Variants in LGR5 observed in about 807,000 individuals in gnomAD.
The protein encoded by LGR5 is leucine rich repeat containing G protein-coupled receptor 5, also known as leucine-rich repeat-containing G protein-coupled receptor 5.
LGR5 carries 54 observed loss-of-function variants against 76.7 expected under a neutral mutation model. The observed-to-expected ratio is 0.70, with a 90% confidence interval of 0.57 to 0.88. The LOEUF (loss-of-function observed/expected upper bound fraction) is 0.88, where lower values mean the gene tolerates loss of function less well. Ranked by LOEUF, LGR5 falls within the 40% of genes least tolerant of loss-of-function variation. The pLI, the probability that LGR5 is intolerant of heterozygous loss-of-function variation, is 0.00. For missense variants in LGR5, 1,078 were observed against 1,073.3 expected (o/e 1.00, Z -0.06); for synonymous variants, 406 against 421.9 (o/e 0.96, Z 0.46).
chr12:71,555,283 T>C (rs1314138305), intron 5 of LGR5, among the ~76,000 whole-genome samples: 4 of 152,190 alleles, frequency 2.6e-5, no homozygotes, highest in Non-Finnish European at 5.9e-5. Context: ...GTATGTGCTT[T>C]AATTTCTTTT....
chr12:71,565,421 G>GATATATATATATATATATATAT (rs1565762535), intron 8 of LGR5, among the ~76,000 whole-genome samples: 7 of 144,196 alleles, frequency 4.9e-5, no homozygotes, highest in African/African-American at 2.0e-4. Flanking sequence ...GATCAATTGA[G>GATATATATATATATATATATAT]CTATATATAT....
intron 4 of LGR5, 70 bp from the exon 5 acceptor site, chr12:71,553,003 T>A: frequency 1.4e-6 from 2 of 1,443,044 alleles, no homozygotes; most frequent in Non-Finnish European, 1.9e-6. Flanking sequence ...ATGGGGAGGG[T>A]TTTCCTGCAA....
chr12:71,491,162 CTG>C (rs35420385), intron 1 of LGR5, among the ~76,000 whole-genome samples: 17,076 of 152,202 alleles, frequency 0.11, 1,081 homozygotes, highest in African/African-American at 0.16. Context: ...CCATATGGAA[CTG>C]TGTGAGCTCA....
intron 1 of LGR5, among the ~76,000 whole-genome samples, chr12:71,443,695 G>A (rs1388461107): frequency 6.6e-6 from 1 of 152,116 alleles, no homozygotes; most frequent in Non-Finnish European, 1.5e-5. Flanking sequence ...ACTCCTCTCT[G>A]CTACTTTGAT....
rs200138614 is a variant in LGR5 at position 71,584,145 on chromosome 12, G to T, written c.2135G>T (p.Cys712Phe). 218 of 1,614,028 alleles carry T rather than the reference G, an allele frequency of 1.4e-4. No homozygotes were observed. Among genetic ancestry groups the T allele is most frequent in the Non-Finnish European group, 6.4e-5 (76 of 1,180,038 alleles). The change falls in exon 18 of 18, where the codon TGC (cysteine) becomes TTC (phenylalanine). Residue 712 changes from cysteine (C) to phenylalanine (F), a missense_variant. By Grantham distance (205) the Cys-to-Phe change is radical. Transcript: ENST00000266674. Reference protein sequence around the residue: ...GGSKYGASPLCLPLPFGEPST... With the variant: ...GGSKYGASPLFLPLPFGEPST... The stretch of plus-strand genomic sequence containing the variant: ...AGCAAGTATGGCGCCTCCCCTCTCT[G>T]CCTGCCTTTGCCTTTTGGGGAGCCC...
At chr12:71,522,681 T>A (rs1457659473) in intron 2 of LGR5, among the ~76,000 whole-genome samples, 2 of 152,110 alleles carry the variant, frequency 1.3e-5, no homozygotes, top group Admixed American at 6.6e-5. Context: ...CTTCTTTAGG[T>A]ACCACGAGAT....
In LGR5 at chr12:71,525,349, G is replaced by A. The variant is rs114236133; in HGVS notation, c.356+872G>A. On this transcript the variant is annotated intron_variant, in intron 3 of 17. Transcript: ENST00000266674. ...TCAACAGCAGAACCGTTATTTGATCGCCTTAGGAGATTGGGTTTGGTTTCC... is the reference window on the plus strand; with the variant it reads ...TCAACAGCAGAACCGTTATTTGATCACCTTAGGAGATTGGGTTTGGTTTCC... 1.3e-3 allele frequency among the ~76,000 whole-genome samples: 202 copies of A among 151,570 alleles called. No homozygotes were observed. The Middle Eastern group carries it at 0.014, about 10-fold the overall frequency.
intron 4 of LGR5, among the ~76,000 whole-genome samples, chr12:71,543,214 C>G (rs941198): frequency 0.19 from 28,178 of 152,150 alleles, 3,014 homozygotes; most frequent in Admixed American, 0.29. Context: ...CTGTAACCTG[C>G]ATTCATTCAT....
At chr12:71,508,411 T>C (rs993847373) in intron 2 of LGR5, among the ~76,000 whole-genome samples, 4 of 152,132 alleles carry the variant, frequency 2.6e-5, no homozygotes, top group African/African-American at 9.7e-5. Context: ...TTCAAAATCC[T>C]GTAAGAATCA....
chr12:71,533,786 G>A (rs944945794), intron 3 of LGR5, among the ~76,000 whole-genome samples: 2 of 152,186 alleles, frequency 1.3e-5, no homozygotes, highest in East Asian at 3.8e-4. Context: ...ATTACTGATC[G>A]CTGAGGCATA....
chr12:71,483,327 A>C (rs1262815249), intron 1 of LGR5, among the ~76,000 whole-genome samples: 1 of 152,132 alleles, frequency 6.6e-6, no homozygotes. Flanking sequence ...ACTGAGATCC[A>C]AAGGCTAGGT....
chr12:71,443,442 C>T (rs1009699420), intron 1 of LGR5, among the ~76,000 whole-genome samples: 3 of 152,194 alleles, frequency 2.0e-5, no homozygotes, highest in Non-Finnish European at 2.9e-5. Flanking sequence ...TTCTCTCCCC[C>T]TGCTGCCCCA....
chr12:71,507,102 A>T (rs924273461), intron 2 of LGR5, among the ~76,000 whole-genome samples: 1 of 152,238 alleles, frequency 6.6e-6, no homozygotes, highest in Non-Finnish European at 1.5e-5. Context: ...TCAGTGAATT[A>T]TAACAACCCC....
intron 5 of LGR5, 37 bp from the exon 6 acceptor site, chr12:71,556,582 G>C: frequency 2.3e-6 from 3 of 1,304,320 alleles, no homozygotes; most frequent in Non-Finnish European, 3.3e-6. Context: ...GGTCTGTGCA[G>C]TGTGCCTTCC....
At chr12:71,478,983 T>G (rs769541641) in intron 1 of LGR5, among the ~76,000 whole-genome samples, 14 of 152,234 alleles carry the variant, frequency 9.2e-5, no homozygotes, top group Non-Finnish European at 1.8e-4. Flanking sequence ...ATTTTCACTT[T>G]AAGAATAAGT....
chr12:71,533,971 A>G (rs1876457472), intron 3 of LGR5, among the ~76,000 whole-genome samples: 1 of 152,242 alleles, frequency 6.6e-6, no homozygotes, highest in African/African-American at 2.4e-5. Context: ...TTGGAGTTAG[A>G]CACACCTGGG....
intron 1 of LGR5, among the ~76,000 whole-genome samples, chr12:71,495,471 C>T (rs999368518): frequency 6.6e-6 from 1 of 151,332 alleles, no homozygotes; most frequent in African/African-American, 2.5e-5. Context: ...TCAGGTTCCA[C>T]CTATATTTGC....
intron 1 of LGR5, among the ~76,000 whole-genome samples, chr12:71,475,279 T>C (rs1196736100): frequency 1.3e-5 from 2 of 152,190 alleles, no homozygotes; most frequent in Non-Finnish European, 2.9e-5. Flanking sequence ...AAATATACTA[T>C]ACAATCTCCA....
At chr12:71,577,138 T>G (rs377170925) in intron 13 of LGR5, among the ~76,000 whole-genome samples, 1 of 152,240 alleles carries the variant, frequency 6.6e-6, no homozygotes, top group Non-Finnish European at 1.5e-5. Flanking sequence ...CTTTGTTTAC[T>G]TTCAGTTCTC....
Sources: gnomAD v4.1 joint callset for allele counts (sites outside exome capture counted in the v4.1 genomes callset) on GRCh38, gnomAD v4.1.1 for gene constraint, MANE v1.5 for transcripts, NCBI Gene and HGNC (gene_info 2026-07-23, HGNC 2026-07-21) for gene names.